Variants in SKAP2 observed in about 807,000 individuals in gnomAD.
The protein encoded by SKAP2 is src kinase associated phosphoprotein 2, also known as src kinase-associated phosphoprotein 2.
SKAP2 carries 28 observed loss-of-function variants against 54.9 expected under a neutral mutation model. The ratio of observed to expected loss-of-function variants is 0.51; its 90% confidence interval spans 0.38 to 0.70. The LOEUF (loss-of-function observed/expected upper bound fraction) is 0.70, where lower values mean the gene tolerates loss of function less well. Among genes scored for constraint, SKAP2 ranks in the 30% least tolerant of loss-of-function variants. The pLI is 0.00. For synonymous variants in SKAP2, 137 were observed against 134.3 expected (o/e 1.02, Z -0.14); for missense variants, 356 against 424.1 (o/e 0.84, Z 1.41).
intron 4 of SKAP2, among the ~76,000 whole-genome samples, chr7:26,776,081 G>A (rs1044917759): frequency 1.3e-5 from 2 of 151,982 alleles, no homozygotes; most frequent in African/African-American, 4.8e-5. Context: ...TTCTCAAGTA[G>A]CTGACACTAC....
At chr7:26,679,540 T>A (rs549921101) in intron 11 of SKAP2, among the ~76,000 whole-genome samples, 1 of 152,140 alleles carries the variant, frequency 6.6e-6, no homozygotes, top group Non-Finnish European at 1.5e-5. Flanking sequence ...TACAAACACT[T>A]CTTCTTATCA....
intron 4 of SKAP2, among the ~76,000 whole-genome samples, chr7:26,833,397 CAAAA>C (rs1218013639): frequency 1.2e-5 from 1 of 85,114 alleles, no homozygotes; most frequent in Non-Finnish European, 2.3e-5. Context: ...GACTCCGTCT[CAAAA>C]AAAAAAAAAA....
chr7:26,786,136 G>A (rs1021174170), intron 4 of SKAP2, among the ~76,000 whole-genome samples: 3 of 152,130 alleles, frequency 2.0e-5, no homozygotes, highest in African/African-American at 7.2e-5. Context: ...GGGCTGTACC[G>A]GCAATTCTAT....
intron 4 of SKAP2, among the ~76,000 whole-genome samples, chr7:26,741,345 C>T (rs1329159710): frequency 6.6e-6 from 1 of 151,848 alleles, no homozygotes; most frequent in African/African-American, 2.4e-5. Context: ...AGTGAGACCC[C>T]CATCTCTACG....
intron 11 of SKAP2, among the ~76,000 whole-genome samples, chr7:26,677,054 T>C (rs1024781181): frequency 1.3e-5 from 2 of 152,032 alleles, no homozygotes; most frequent in Non-Finnish European, 2.9e-5. Flanking sequence ...AAACATCAGG[T>C]TGATTTGGTT....
intron 4 of SKAP2, among the ~76,000 whole-genome samples, chr7:26,821,467 A>G (rs569617056): frequency 1.3e-5 from 2 of 152,202 alleles, no homozygotes; most frequent in Non-Finnish European, 2.9e-5. Context: ...CCTGTGAGGA[A>G]AGTTGGAGAA....
chr7:26,800,331 A>G (rs1443816362), intron 4 of SKAP2, among the ~76,000 whole-genome samples: 3 of 152,186 alleles, frequency 2.0e-5, no homozygotes, highest in African/African-American at 4.8e-5. Flanking sequence ...AATGATAATG[A>G]AAACAGAACA....
At chr7:26,828,899 C>T (rs138811511) in intron 4 of SKAP2, among the ~76,000 whole-genome samples, 11,730 of 151,454 alleles carry the variant, frequency 0.077, 697 homozygotes, top group East Asian at 0.3. Context: ...TGGTGGTGTG[C>T]GCTTGTAATC....
chr7:26,716,623 T>A (rs551342603), intron 9 of SKAP2, among the ~76,000 whole-genome samples: 1 of 152,328 alleles, frequency 6.6e-6, no homozygotes, highest in South Asian at 2.1e-4. Flanking sequence ...TTTTACCATA[T>A]TTTCTCTTTG....
In SKAP2 at chr7:26,855,018, C is replaced by T. The variant is rs1017380260; in HGVS notation, c.68-128G>A. 1.6e-5 allele frequency: 10 copies of T among 606,182 alleles called. No individual in the cohort carries two copies. The African/African-American group carries it at 1.7e-4, about 10-fold the overall frequency. 37.6% of individuals were successfully genotyped at this position (606,182 alleles called of 1,614,324 possible). On this transcript the variant is annotated intron_variant, in intron 1 of 12. Coordinates refer to ENST00000345317, the MANE Select transcript of SKAP2 (RefSeq NM_003930.5). ...TGTACAATTTGTTATAGTTATTTAT[C>T]ATTCCAAAGCATAACAGTTGAAGTG...
intron 4 of SKAP2, among the ~76,000 whole-genome samples, chr7:26,749,623 C>T (rs968829117): frequency 1.3e-5 from 2 of 151,818 alleles, no homozygotes; most frequent in Admixed American, 6.6e-5. Context: ...TAACTCACAC[C>T]TGTAGTCCTA....
rs576738248 is a variant in SKAP2, at chr7:26,757,004, T to A, written c.308-17040A>T. ...TTTTGAGAAGTGTCTGTTCATACCC[T>A]TCACCCACTTTTTGATGGGGTTGTT... On this transcript the variant is annotated intron_variant, in intron 4 of 12. Coordinates refer to ENST00000345317, the MANE Select transcript of SKAP2 (RefSeq NM_003930.5). Among the ~76,000 whole-genome samples the A allele has an allele frequency of 1.1e-3, 168 of 152,350 alleles. 1 individual carries two copies. Among genetic ancestry groups the A allele is most frequent in the African/African-American group, 3.8e-3 (159 of 41,590 alleles).
At chr7:26,727,463 TA>T (rs1242157460) in intron 6 of SKAP2, among the ~76,000 whole-genome samples, 3 of 151,974 alleles carry the variant, frequency 2.0e-5, no homozygotes, top group African/African-American at 4.8e-5. Context: ...AAGTTTTCTT[TA>T]AAAAAGGTCT....
At chr7:26,833,465 T>C (rs1232935342) in intron 4 of SKAP2, among the ~76,000 whole-genome samples, 1 of 149,964 alleles carries the variant, frequency 6.7e-6, no homozygotes, top group African/African-American at 2.4e-5. Flanking sequence ...GTGTGCTGTA[T>C]TCAGGAGACC....
At chr7:26,703,668 G>T (rs1787096205) in intron 9 of SKAP2, among the ~76,000 whole-genome samples, 1 of 152,152 alleles carries the variant, frequency 6.6e-6, no homozygotes, top group South Asian at 2.1e-4. Context: ...ATTATTATGA[G>T]GATGAAATAA....
In SKAP2 at chr7:26,734,563, C is replaced by G. The variant is rs183228850; in HGVS notation, c.469+4232G>C. Reference sequence around the variant, plus strand: ...GTTTATGCTGCTATAATACCCAAAACTGGGAAATTTATAAACAATAGAAAT... The same window carrying G: ...GTTTATGCTGCTATAATACCCAAAAGTGGGAAATTTATAAACAATAGAAAT... On this transcript the variant is annotated intron_variant, in intron 6 of 12. Coordinates refer to ENST00000345317, the MANE Select transcript of SKAP2 (RefSeq NM_003930.5). Among the ~76,000 whole-genome samples the G allele has an allele frequency of 4.6e-5, 7 of 152,236 alleles. No individual in the cohort carries two copies. The East Asian group carries it at 1.4e-3, about 29-fold the overall frequency.
chr7:26,794,043 T>C (rs969509411), intron 4 of SKAP2, among the ~76,000 whole-genome samples: 2 of 152,178 alleles, frequency 1.3e-5, no homozygotes, highest in Non-Finnish European at 2.9e-5. Context: ...TATTTGGAAA[T>C]GGTCATAACA....
intron 5 of SKAP2, among the ~76,000 whole-genome samples, chr7:26,739,425 C>T (rs112534885): frequency 5.3e-5 from 8 of 152,202 alleles, no homozygotes; most frequent in African/African-American, 1.9e-4. Context: ...AGAGTGAGAC[C>T]ATATGGTCAA....
chr7:26,708,867 TAATA>T (rs1336070583), intron 9 of SKAP2, among the ~76,000 whole-genome samples: 2 of 152,236 alleles, frequency 1.3e-5, no homozygotes, highest in Non-Finnish European at 2.9e-5. Context: ...AATAGCTGCC[TAATA>T]AATATTTGTT....
Sources: gnomAD v4.1 joint callset for allele counts (sites outside exome capture counted in the v4.1 genomes callset) on GRCh38, gnomAD v4.1.1 for gene constraint, MANE v1.5 for transcripts, NCBI Gene and HGNC (gene_info 2026-07-23, HGNC 2026-07-21) for gene names.